ADAMTSL1: variants seen among roughly 807,000 people sequenced by gnomAD.
The protein encoded by ADAMTSL1 is ADAMTS-like protein 1.
In ADAMTSL1, 126 loss-of-function variants were observed where a neutral mutation model predicts 201.8. The ratio of observed to expected loss-of-function variants is 0.62; its 90% confidence interval spans 0.54 to 0.72. The LOEUF (loss-of-function observed/expected upper bound fraction) is 0.72, where lower values mean the gene tolerates loss of function less well. Among genes scored for constraint, ADAMTSL1 ranks in the 30% least tolerant of loss-of-function variants. The pLI, the probability that ADAMTSL1 is intolerant of heterozygous loss-of-function variation, is 0.00. For missense variants in ADAMTSL1, 2,679 were observed against 2,277.8 expected, an observed-to-expected ratio of 1.18 and a Z score of -3.59; for synonymous variants, 1,121 against 903.4, an observed-to-expected ratio of 1.24 and a Z score of -4.32.
At chr9:18,840,263 GT>G (rs1825628328) in intron 23 of ADAMTSL1, among the ~76,000 whole-genome samples, 1 of 152,080 alleles carries the variant, frequency 6.6e-6, no homozygotes, top group Non-Finnish European at 1.5e-5. Context: ...TGGCTAGCCA[GT>G]TTTCCCAGCA....
At chr9:18,301,408 C>G (rs543996818) in intron 2 of ADAMTSL1, among the ~76,000 whole-genome samples, 1 of 152,258 alleles carries the variant, frequency 6.6e-6, no homozygotes, top group African/African-American at 2.4e-5. Flanking sequence ...GCGATCTGTT[C>G]CATGACCCCC....
chr9:18,356,637 A>ACACACAC, intron 2 of ADAMTSL1, among the ~76,000 whole-genome samples: 1 of 146,920 alleles, frequency 6.8e-6, no homozygotes, highest in East Asian at 2.0e-4. Context: ...ACACACACAC[A>ACACACAC]ACTTTCCTAC....
upstream of ADAMTSL1, among the ~76,000 whole-genome samples, chr9:18,472,493 A>T (rs1411285843): frequency 6.6e-6 from 1 of 152,206 alleles, no homozygotes. Context: ...TCTTTGTATG[A>T]CCTTGACTTT....
chr9:17,932,309 A>T (rs535804891), intron 1 of ADAMTSL1, among the ~76,000 whole-genome samples: 1 of 152,268 alleles, frequency 6.6e-6, no homozygotes, highest in African/African-American at 2.4e-5. Flanking sequence ...CCTTTCCATC[A>T]ATTTCTCCAA....
intron 4 of ADAMTSL1, among the ~76,000 whole-genome samples, chr9:18,605,915 C>A (rs1435096948): frequency 1.3e-5 from 2 of 152,166 alleles, no homozygotes; most frequent in Admixed American, 1.3e-4. Flanking sequence ...GTAGGTGCTA[C>A]TTGTGTGAAC....
At chr9:18,835,360 A>G (rs1825249273) in intron 23 of ADAMTSL1, among the ~76,000 whole-genome samples, 1 of 152,086 alleles carries the variant, frequency 6.6e-6, no homozygotes, top group Non-Finnish European at 1.5e-5. Context: ...TATATTTTGA[A>G]TGTAAGTCTT....
intron 13 of ADAMTSL1, among the ~76,000 whole-genome samples, chr9:18,687,233 CT>C (rs1180323379): frequency 4.6e-5 from 7 of 152,156 alleles, no homozygotes; most frequent in East Asian, 3.9e-4. Context: ...CTAAGTGTCA[CT>C]TTTTTTTATC....
At chr9:18,479,918 A>G (rs1563985414) in intron 1 of ADAMTSL1, among the ~76,000 whole-genome samples, 3 of 152,366 alleles carry the variant, frequency 2.0e-5, no homozygotes, top group South Asian at 2.1e-4. Flanking sequence ...ATCAACGCTA[A>G]GAAACGCAAA....
intron 15 of ADAMTSL1, among the ~76,000 whole-genome samples, chr9:18,734,347 C>G (rs561410568): frequency 2.0e-5 from 3 of 152,290 alleles, no homozygotes; most frequent in African/African-American, 7.2e-5. Context: ...GAAGAAAAGA[C>G]AGGCTCCATT....
chr9:18,398,368 A>C (rs748685578), intron 2 of ADAMTSL1, among the ~76,000 whole-genome samples: 6 of 152,200 alleles, frequency 3.9e-5, no homozygotes, highest in Non-Finnish European at 8.8e-5. Flanking sequence ...CTGTGTGTTC[A>C]TCAGATACAG....
intron 4 of ADAMTSL1, among the ~76,000 whole-genome samples, chr9:18,585,416 G>A (rs1356158131): frequency 2.6e-5 from 4 of 152,054 alleles, no homozygotes; most frequent in Admixed American, 2.6e-4. Flanking sequence ...ATTATTTTTA[G>A]TGATGTATAG....
At position 18,474,286 on chromosome 9, in the gene ADAMTSL1, C is replaced by G. The variant is rs143550681; in HGVS notation, c.54C>G (p.Phe18Leu). Reference sequence around the variant, plus strand: ...GCACACTGCTCCTCTTTCTGGCTTTCCTGCTCCTGGTAAATGCCTTTTCAT... The same window carrying G: ...GCACACTGCTCCTCTTTCTGGCTTTGCTGCTCCTGGTAAATGCCTTTTCAT... ...TPGTLLLFLAFLLLSSRTARS... is the reference protein window; with the variant it reads ...TPGTLLLFLALLLLSSRTARS... Residue 18 changes from phenylalanine to leucine, a missense_variant, in exon 1 of 29, where the codon TTC (phenylalanine) becomes TTG (leucine). Coordinates refer to ENST00000380548, the MANE Select transcript of ADAMTSL1 (RefSeq NM_001040272.6). The G allele has an allele frequency of 6.2e-7, 1 of 1,614,100 alleles. No individual in the cohort carries two copies. Among genetic ancestry groups the G allele is most frequent in the African/African-American group, 1.3e-5 (1 of 75,024 alleles).
intron 15 of ADAMTSL1, among the ~76,000 whole-genome samples, chr9:18,730,924 A>G (rs1438738702): frequency 6.6e-6 from 1 of 152,248 alleles, no homozygotes; most frequent in Non-Finnish European, 1.5e-5. Flanking sequence ...AGAGGTAGAA[A>G]GGGCCCTCTG....
chr9:18,140,139 T>A (rs1300231328), intron 1 of ADAMTSL1, among the ~76,000 whole-genome samples: 3 of 152,142 alleles, frequency 2.0e-5, no homozygotes, highest in African/African-American at 7.2e-5. Flanking sequence ...AGCCTACTCT[T>A]AAAGAATTTA....
At chr9:18,443,062 T>C (rs1538735) in intron 2 of ADAMTSL1, among the ~76,000 whole-genome samples, 25,726 of 152,158 alleles carry the variant, frequency 0.17, 2,887 homozygotes, top group African/African-American at 0.32. Context: ...CACTGACATC[T>C]GCTTAAAATG....
intron 14 of ADAMTSL1, among the ~76,000 whole-genome samples, chr9:18,721,261 ATTT>A (rs1833347022): frequency 6.6e-6 from 1 of 152,098 alleles, no homozygotes; most frequent in African/African-American, 2.4e-5. Flanking sequence ...TTTTTTAAGC[ATTT>A]CAAGAGTCTA....
At chr9:18,783,377 A>T (rs1821516370) in intron 19 of ADAMTSL1, among the ~76,000 whole-genome samples, 1 of 152,216 alleles carries the variant, frequency 6.6e-6, no homozygotes, top group South Asian at 2.1e-4. Flanking sequence ...GTAGACTCCC[A>T]CATCCTCCCC....
chr9:18,317,869 T>C (rs1295525345), intron 2 of ADAMTSL1, among the ~76,000 whole-genome samples: 1 of 152,186 alleles, frequency 6.6e-6, no homozygotes, highest in Non-Finnish European at 1.5e-5. Flanking sequence ...AATTTTCCTC[T>C]AATCCCAGCG....
At chr9:18,646,783 C>T (rs369438828) in intron 7 of ADAMTSL1, among the ~76,000 whole-genome samples, 50 of 152,070 alleles carry the variant, frequency 3.3e-4, no homozygotes, top group Admixed American at 4.6e-4. Flanking sequence ...CTGCTGGATT[C>T]GGTTTGCCAG....
Sources: allele counts gnomAD v4.1 joint callset (sites outside exome capture counted in the v4.1 genomes callset), GRCh38; gene constraint gnomAD v4.1.1; transcripts MANE v1.5; gene names NCBI Gene and HGNC (gene_info 2026-07-23, HGNC 2026-07-21).